LOXL2: variants seen among roughly 807,000 people sequenced by gnomAD.
The protein encoded by LOXL2 is lysyl oxidase like 2.
In LOXL2, 70 loss-of-function variants were observed where a neutral mutation model predicts 93.0. The ratio of observed to expected loss-of-function variants is 0.75; its 90% CI spans 0.62 to 0.92. LOXL2 has a LOEUF of 0.92. Among genes scored for constraint, LOXL2 ranks in the 40% least tolerant of loss-of-function variants. The pLI, the probability that LOXL2 is intolerant of heterozygous loss-of-function variation, is 0.00. For synonymous variants in LOXL2, 438 were observed against 413.2 expected (o/e 1.06, Z -0.73); for missense variants, 973 against 1,054.9 (o/e 0.92, Z 1.08).
intron 2 of LOXL2, among the ~76,000 whole-genome samples, chr8:23,367,112 G>A (rs550033912): frequency 1.7e-3 from 253 of 152,242 alleles, no homozygotes; most frequent in African/African-American, 5.8e-3. Flanking sequence ...GCAGTGGCGC[G>A]ATCACGGCTC....
intron 6 of LOXL2, among the ~76,000 whole-genome samples, chr8:23,325,956 G>C (rs1422274655): frequency 6.6e-6 from 1 of 152,220 alleles, no homozygotes; most frequent in Non-Finnish European, 1.5e-5. Flanking sequence ...AAGAATCTGA[G>C]GCCCAGAAGG....
intron 3 of LOXL2, among the ~76,000 whole-genome samples, chr8:23,351,737 AC>A (rs1804096526): frequency 6.6e-6 from 1 of 152,186 alleles, no homozygotes; most frequent in Non-Finnish European, 1.5e-5. Flanking sequence ...AAAATAGGTC[AC>A]CTTAGAACTA....
chr8:23,389,209 A>G (rs1804807421), intron 1 of LOXL2, among the ~76,000 whole-genome samples: 1 of 152,026 alleles, frequency 6.6e-6, no homozygotes, highest in Non-Finnish European at 1.5e-5. Context: ...TCCTTTTCTT[A>G]GTGTCCTTTT....
chr8:23,328,675 C>CA, intron 5 of LOXL2, 110 bp from the exon 6 acceptor site: 1 of 973,828 alleles, frequency 1.0e-6, no homozygotes, highest in Non-Finnish European at 1.6e-6. Flanking sequence ...GCCAGGCACT[C>CA]AGTCTGGGAG....
chr8:23,389,743 T>C (rs892704450), intron 1 of LOXL2, among the ~76,000 whole-genome samples: 1 of 152,058 alleles, frequency 6.6e-6, no homozygotes, highest in African/African-American at 2.4e-5. Flanking sequence ...CTAATATGAG[T>C]ATGTGGGGCA....
intron 3 of LOXL2, among the ~76,000 whole-genome samples, chr8:23,359,256 G>T (rs1198633467): frequency 6.6e-6 from 1 of 152,204 alleles, no homozygotes; most frequent in South Asian, 2.1e-4. Context: ...ACACATTTGT[G>T]TAATCTCCTC....
chr8:23,308,869 C>T (rs144815773), intron 10 of LOXL2, among the ~76,000 whole-genome samples: 5 of 152,130 alleles, frequency 3.3e-5, no homozygotes, highest in East Asian at 3.9e-4. Flanking sequence ...GCTAGAGGCA[C>T]GGCTGCGTTT....
At chr8:23,354,949 A>ATTTT (rs60819350) in intron 3 of LOXL2, among the ~76,000 whole-genome samples, 1 of 77,672 alleles carries the variant, frequency 1.3e-5, no homozygotes, top group Non-Finnish European at 2.4e-5. Flanking sequence ...ATATATATAT[A>ATTTT]TTTTTTTTTT....
chr8:23,403,217 T>C (rs1800174442), intron 1 of LOXL2, among the ~76,000 whole-genome samples: 2 of 152,164 alleles, frequency 1.3e-5, no homozygotes, highest in South Asian at 4.2e-4. Flanking sequence ...GGATCAGCTG[T>C]AGCCGTGGGT....
At chr8:23,318,133 T>C (rs993389378) in intron 8 of LOXL2, among the ~76,000 whole-genome samples, 3 of 151,078 alleles carry the variant, frequency 2.0e-5, no homozygotes, top group African/African-American at 7.3e-5. Context: ...CCCTCCATAA[T>C]ATGGGCAATT....
chr8:23,310,199 A>G (rs1349614377), intron 9 of LOXL2, among the ~76,000 whole-genome samples: 1 of 152,238 alleles, frequency 6.6e-6, no homozygotes, highest in African/African-American at 2.4e-5. Context: ...ATGGTACGTT[A>G]ACAGATCCTG....
intron 1 of LOXL2, among the ~76,000 whole-genome samples, chr8:23,372,118 C>G (rs1804505260): frequency 6.6e-6 from 1 of 151,866 alleles, no homozygotes; most frequent in African/African-American, 2.4e-5. Flanking sequence ...GGTTTAAACT[C>G]CAATATATCA....
At chr8:23,359,590 C>G (rs1174010013) in intron 3 of LOXL2, among the ~76,000 whole-genome samples, 1 of 152,204 alleles carries the variant, frequency 6.6e-6, no homozygotes, top group Non-Finnish European at 1.5e-5. Context: ...ATGAGAGACG[C>G]TGAGGAGAAT....
At chr8:23,309,417 T>C (rs1405385120) in intron 10 of LOXL2, among the ~76,000 whole-genome samples, 2 of 152,016 alleles carry the variant, frequency 1.3e-5, no homozygotes, top group African/African-American at 4.8e-5. Context: ...CAAAACAAAG[T>C]GTGTTTCCTG....
At chr8:23,397,876 T>A (rs1392708751) in intron 1 of LOXL2, among the ~76,000 whole-genome samples, 3 of 147,176 alleles carry the variant, frequency 2.0e-5, no homozygotes, top group African/African-American at 7.6e-5. Flanking sequence ...CAGGAGAATC[T>A]CTTGAACCTG....
intron 12 of LOXL2, among the ~76,000 whole-genome samples, chr8:23,299,782 C>G (rs528655564): frequency 6.6e-5 from 10 of 152,296 alleles, no homozygotes; most frequent in African/African-American, 2.4e-4. Flanking sequence ...GCTGCTCGTT[C>G]AGGAACATTC....
chr8:23,352,439 T>C (rs1456801517), intron 3 of LOXL2, among the ~76,000 whole-genome samples: 2 of 152,108 alleles, frequency 1.3e-5, no homozygotes, highest in African/African-American at 4.8e-5. Flanking sequence ...AACCACCCAG[T>C]GCAACCTCTC....
chr8:23,339,567 C>G (rs145192803), intron 4 of LOXL2, among the ~76,000 whole-genome samples: 78 of 152,322 alleles, frequency 5.1e-4, no homozygotes, highest in Non-Finnish European at 9.8e-4. Context: ...GAACAAGGCG[C>G]GTGCTGTCCA....
chr8:23,402,527 C>T (rs554599252), intron 1 of LOXL2: 1 of 152,450 alleles, frequency 6.6e-6, no homozygotes, highest in African/African-American at 2.4e-5. Flanking sequence ...GAGTCAGTCA[C>T]TTATCTGGGA....
Sources: allele counts gnomAD v4.1 joint callset (sites outside exome capture counted in the v4.1 genomes callset), GRCh38; gene constraint gnomAD v4.1.1; transcripts MANE v1.5; gene names NCBI Gene and HGNC (gene_info 2026-07-23, HGNC 2026-07-21).